The following SPMIP4 variants were observed in gnomAD, a reference collection of about 807,000 sequenced individuals.
SPMIP4 encodes sperm microtubule inner protein 4.
At chr7:25,158,279 G>A in the SPMIP4 span, among the ~76,000 whole-genome samples, 1 of 148,892 alleles carries the variant, frequency 6.7e-6, no homozygotes, top group Non-Finnish European at 1.5e-5. Context: ...AAGGTGGAAG[G>A]ATCACCTCAT....
chr7:25,158,534 G>C, the SPMIP4 span: 5 of 1,608,332 alleles, frequency 3.1e-6, no homozygotes, highest in Middle Eastern at 1.7e-4. Context: ...GGGTATCCTA[G>C]AATAAAAACA....
the SPMIP4 span, among the ~76,000 whole-genome samples, chr7:25,150,216 A>G: frequency 0.052 from 7,859 of 152,224 alleles, 669 homozygotes; most frequent in African/African-American, 0.18. Context: ...CATGAGGAAA[A>G]CAGGATTTTA....
At chr7:25,134,921 A>G in the SPMIP4 span, 1 of 985,292 alleles carries the variant, frequency 1.0e-6, no homozygotes, top group African/African-American at 1.7e-5. Flanking sequence ...TTCCTGTCAT[A>G]ATGTAACTAG....
At chr7:25,168,231 G>A in the SPMIP4 span, 1 of 1,470,394 alleles carries the variant, frequency 6.8e-7, no homozygotes, top group South Asian at 1.3e-5. Flanking sequence ...ACTCACAATG[G>A]AAGTAAAGAA....
the SPMIP4 span, among the ~76,000 whole-genome samples, chr7:25,133,241 G>A: frequency 2.7e-3 from 413 of 152,270 alleles, no homozygotes; most frequent in Middle Eastern, 0.014. Flanking sequence ...TTGTTTTGCT[G>A]TGTATATAGT....
the SPMIP4 span, among the ~76,000 whole-genome samples, chr7:25,169,841 T>C: frequency 2.0e-4 from 30 of 152,328 alleles, no homozygotes; most frequent in Admixed American, 2.0e-3. Context: ...CCTCCCAAAG[T>C]GTTAGGATTA....
At chr7:25,166,902 A>T in the SPMIP4 span, among the ~76,000 whole-genome samples, 231 of 152,228 alleles carry the variant, frequency 1.5e-3, 2 homozygotes, top group Middle Eastern at 0.02. Flanking sequence ...CCTCAAAAAA[A>T]AAAATTAAGA....
the SPMIP4 span, among the ~76,000 whole-genome samples, chr7:25,177,853 A>T: frequency 6.6e-6 from 1 of 152,156 alleles, no homozygotes; most frequent in East Asian, 1.9e-4. Flanking sequence ...CAGGTTCATT[A>T]TACAGGTAAA....
chr7:25,174,761 AAGG>A, the SPMIP4 span, among the ~76,000 whole-genome samples: 1 of 152,224 alleles, frequency 6.6e-6, no homozygotes, highest in Non-Finnish European at 1.5e-5. The surrounding 1 kb of genome is among the most constrained non-coding windows in gnomAD (Gnocchi z 4.5). Flanking sequence ...GCTAGAAGTT[AAGG>A]AGAAGTCAGC....
chr7:25,163,572 A>G, the SPMIP4 span, among the ~76,000 whole-genome samples: 2 of 152,198 alleles, frequency 1.3e-5, no homozygotes, highest in Non-Finnish European at 2.9e-5. The surrounding 1 kb of genome is among the most constrained non-coding windows in gnomAD (Gnocchi z 4.4). Context: ...CGAAGTGATC[A>G]TGGCGGCAGC....
chr7:25,176,863 G>A, the SPMIP4 span, among the ~76,000 whole-genome samples: 2 of 152,232 alleles, frequency 1.3e-5, no homozygotes, highest in East Asian at 3.9e-4. This position sits in a 1 kb window ranked among gnomAD's most constrained non-coding sequence, Gnocchi z 4.4. Flanking sequence ...TTTGTAAACC[G>A]GAGAAGATCT....
chr7:25,143,938 G>T, the SPMIP4 span, among the ~76,000 whole-genome samples: 1 of 152,192 alleles, frequency 6.6e-6, no homozygotes, highest in Non-Finnish European at 1.5e-5. Flanking sequence ...GGGAGAGATT[G>T]AATTCACCTG....
the SPMIP4 span, among the ~76,000 whole-genome samples, chr7:25,164,112 T>A: frequency 6.6e-6 from 1 of 152,242 alleles, no homozygotes; most frequent in South Asian, 2.1e-4. Context: ...ATAAATAGAT[T>A]CCCCCTTAGC....
the SPMIP4 span, among the ~76,000 whole-genome samples, chr7:25,140,637 G>T: frequency 6.8e-5 from 10 of 147,534 alleles, no homozygotes; most frequent in Non-Finnish European, 3.0e-5. Context: ...TTCTCCCCCC[G>T]CCCAGCATGA....
the SPMIP4 span, among the ~76,000 whole-genome samples, chr7:25,153,095 AC>A: frequency 1.3e-5 from 2 of 152,096 alleles, no homozygotes; most frequent in Non-Finnish European, 2.9e-5. Flanking sequence ...AAGAGTAGAA[AC>A]CTAATGCTGT....
the SPMIP4 span, among the ~76,000 whole-genome samples, chr7:25,164,188 G>T: frequency 3.9e-5 from 6 of 152,086 alleles, no homozygotes; most frequent in Non-Finnish European, 8.8e-5. Flanking sequence ...TTATACTTAT[G>T]GTTACACTTG....
the SPMIP4 span, among the ~76,000 whole-genome samples, chr7:25,162,914 G>A: frequency 6.6e-6 from 1 of 152,110 alleles, no homozygotes; most frequent in Non-Finnish European, 1.5e-5. Context: ...TGGGATTACA[G>A]GCACCCGCCA....
At chr7:25,179,115 A>G in the SPMIP4 span, 1 of 1,499,078 alleles carries the variant, frequency 6.7e-7, no homozygotes, top group Non-Finnish European at 9.0e-7. Flanking sequence ...TCACATAATA[A>G]AATACACGAA....
At chr7:25,169,141 G>A in the SPMIP4 span, among the ~76,000 whole-genome samples, 2 of 152,092 alleles carry the variant, frequency 1.3e-5, no homozygotes, top group East Asian at 3.9e-4. Flanking sequence ...TGTAATCCCA[G>A]CACTTTGGGA....
Sources: gnomAD v4.1 joint callset for allele counts (sites outside exome capture counted in the v4.1 genomes callset) on GRCh38, gnomAD v4.1.1 for gene constraint, Gnocchi (gnomAD v3.1) non-coding constraint, MANE v1.5 for transcripts, NCBI Gene and HGNC (gene_info 2026-07-23, HGNC 2026-07-21) for gene names.